Variants in ASTN2 observed in about 807,000 individuals in gnomAD.
ASTN2 encodes astrotactin-2.
In ASTN2, 54 loss-of-function variants were observed where a neutral mutation model predicts 139.8. The ratio of observed to expected loss-of-function variants is 0.39; its 90% CI spans 0.31 to 0.48. The LOEUF (loss-of-function observed/expected upper bound fraction) is 0.48. Among genes scored for constraint, ASTN2 ranks in the 20% least tolerant of loss-of-function variants. The pLI is 0.95. For missense variants in ASTN2, 1,565 were observed against 1,725.1 expected, an observed-to-expected ratio of 0.91 and a Z score of 1.64; for synonymous variants, 756 against 719.5, an observed-to-expected ratio of 1.05 and a Z score of -0.81.
intron 5 of ASTN2, among the ~76,000 whole-genome samples, chr9:117,085,945 C>T (rs970063261): frequency 1.3e-5 from 2 of 152,144 alleles, no homozygotes; most frequent in African/African-American, 2.4e-5. Flanking sequence ...CTCATGGCAG[C>T]CTCAGGAAAG....
intron 1 of ASTN2, among the ~76,000 whole-genome samples, chr9:117,384,315 G>A (rs575369622): frequency 2.8e-4 from 42 of 152,302 alleles, no homozygotes; most frequent in East Asian, 3.9e-4. Flanking sequence ...TGGATGGGAT[G>A]TTGATTCAAA....
At chr9:117,349,382 G>C (rs571324659) in intron 1 of ASTN2, among the ~76,000 whole-genome samples, 1 of 152,146 alleles carries the variant, frequency 6.6e-6, no homozygotes, top group Non-Finnish European at 1.5e-5. Flanking sequence ...AGTTTGCTTC[G>C]AACTTGTTGA....
intron 1 of ASTN2, among the ~76,000 whole-genome samples, chr9:117,329,861 A>C (rs1828645163): frequency 6.6e-6 from 1 of 152,228 alleles, no homozygotes; most frequent in Admixed American, 6.5e-5. Flanking sequence ...TGCCATTGCT[A>C]AGCACACATT....
At chr9:117,215,841 C>T (rs1832300913) in intron 2 of ASTN2, among the ~76,000 whole-genome samples, 1 of 152,126 alleles carries the variant, frequency 6.6e-6, no homozygotes, top group Non-Finnish European at 1.5e-5. Context: ...TTGCTGAATG[C>T]CTGCTGTGTA....
intron 2 of ASTN2, among the ~76,000 whole-genome samples, chr9:117,251,331 A>T (rs1025039473): frequency 2.6e-5 from 4 of 152,106 alleles, no homozygotes; most frequent in Non-Finnish European, 4.4e-5. Context: ...CCTTTAAAAA[A>T]ATAGAACCAC....
intron 1 of ASTN2, among the ~76,000 whole-genome samples, chr9:117,411,574 G>A (rs565154269): frequency 2.0e-4 from 31 of 152,182 alleles, no homozygotes; most frequent in African/African-American, 6.5e-4. Flanking sequence ...GCAGATGGGA[G>A]ATAGTGCATG....
intron 5 of ASTN2, among the ~76,000 whole-genome samples, chr9:117,086,730 C>T (rs535211242): frequency 1.3e-5 from 2 of 152,246 alleles, no homozygotes; most frequent in African/African-American, 4.8e-5. Flanking sequence ...TTCCCTGTAC[C>T]CATGTCCAGG....
At chr9:117,362,552 G>T (rs1027125923) in intron 1 of ASTN2, among the ~76,000 whole-genome samples, 4 of 152,074 alleles carry the variant, frequency 2.6e-5, no homozygotes, top group African/African-American at 9.7e-5. Flanking sequence ...GGGTCCTATG[G>T]CCAGTCTCTA....
rs1588022029 is a variant in ASTN2, at chr9:117,409,691, TG to T, written c.442+4805del. ...CCCCCTGCCACACAGGCTGGAGTGC[TG>T]TGGTATGGGCACAGCTCACTGAAGC... On this transcript the variant is annotated intron_variant, in intron 1 of 22. Coordinates refer to ENST00000313400, the MANE Select transcript of ASTN2 (RefSeq NM_001365068.1). Among the ~76,000 whole-genome samples the T allele has an allele frequency of 4.6e-5, 7 of 152,330 alleles. No homozygotes were observed. The East Asian group carries it at 1.4e-3, about 29-fold the overall frequency.
At chr9:116,632,205 A>ACAAGAAAG (rs1554723308) in intron 17 of ASTN2, among the ~76,000 whole-genome samples, 7 of 45,306 alleles carry the variant, frequency 1.5e-4, no homozygotes, top group Non-Finnish European at 2.7e-4. Context: ...AGAAAGAAAG[A>ACAAGAAAG]AAAGAAAGAA....
At chr9:116,765,892 T>A (rs913938112) in intron 13 of ASTN2, among the ~76,000 whole-genome samples, 4 of 152,164 alleles carry the variant, frequency 2.6e-5, no homozygotes, top group Non-Finnish European at 5.9e-5. Context: ...ACCTGTTAAT[T>A]TTTAGAAATA....
intron 1 of ASTN2, among the ~76,000 whole-genome samples, chr9:117,353,497 G>A (rs1334107427): frequency 6.6e-6 from 1 of 152,106 alleles, no homozygotes; most frequent in Non-Finnish European, 1.5e-5. Flanking sequence ...ATGTTGGGTA[G>A]CACAGGTTAA....
At chr9:117,081,945 G>A (rs1426543844) in intron 5 of ASTN2, among the ~76,000 whole-genome samples, 1 of 152,166 alleles carries the variant, frequency 6.6e-6, no homozygotes, top group African/African-American at 2.4e-5. Context: ...CTGACCCCTT[G>A]ACTTCAGCCT....
intron 10 of ASTN2, among the ~76,000 whole-genome samples, chr9:116,905,264 AG>A (rs1474390748): frequency 6.6e-6 from 1 of 152,174 alleles, no homozygotes; most frequent in African/African-American, 2.4e-5. Context: ...TGCTGCCAGG[AG>A]CCACCAGCAG....
At chr9:117,184,629 T>G (rs551042941) in intron 3 of ASTN2, among the ~76,000 whole-genome samples, 1 of 152,202 alleles carries the variant, frequency 6.6e-6, no homozygotes, top group Non-Finnish European at 1.5e-5. Context: ...AGAGTTCGCA[T>G]GAGAGAATGT....
At chr9:116,815,290 T>C (rs1353987523) in intron 12 of ASTN2, among the ~76,000 whole-genome samples, 2 of 152,160 alleles carry the variant, frequency 1.3e-5, no homozygotes, top group East Asian at 3.9e-4. Context: ...TAAAATTACA[T>C]AAAGAGAATA....
chr9:116,713,051 A>G (rs1408633712), intron 16 of ASTN2, among the ~76,000 whole-genome samples: 1 of 152,034 alleles, frequency 6.6e-6, no homozygotes, highest in Non-Finnish European at 1.5e-5. Flanking sequence ...CACTCAACAC[A>G]CTTCCTTGGA....
At position 117,401,876 on chromosome 9, in the gene ASTN2, GAACA is replaced by G. The variant is rs144713901; in HGVS notation, c.442+12617_442+12620del. Among the ~76,000 whole-genome samples, 1,239 of 152,136 alleles carry G rather than the reference GAACA, an allele frequency of 8.1e-3. 13 individuals carry two copies. The highest frequency in any genetic ancestry group is 0.026 in the African/African-American group (1,095 of 41,494). Reference sequence around the variant, plus strand: ...TAAAAAGTTAATAGTCTTATGAGCTGAACAAACAAACAAACAAACAAGCAATTGT... The same window carrying G: ...TAAAAAGTTAATAGTCTTATGAGCTGAACAAACAAACAAACAAGCAATTGT... On this transcript the variant is annotated intron_variant, in intron 1 of 22. Transcript: ENST00000313400.
intron 20 of ASTN2, among the ~76,000 whole-genome samples, chr9:116,472,764 T>A (rs1588090981): frequency 1.0e-5 from 1 of 98,164 alleles, no homozygotes; most frequent in Admixed American, 9.9e-5. Context: ...AAAAAAAAAA[T>A]AGCCATGTTG....
Sources: gnomAD v4.1 joint callset for allele counts (sites outside exome capture counted in the v4.1 genomes callset) on GRCh38, gnomAD v4.1.1 for gene constraint, MANE v1.5 for transcripts, NCBI Gene and HGNC (gene_info 2026-07-23, HGNC 2026-07-21) for gene names.